ELMO2: variants seen among roughly 807,000 people sequenced by gnomAD.
ELMO2 encodes the protein engulfment and cell motility protein 2.
A neutral mutation model predicts 96.2 loss-of-function variants in ELMO2; 37 were observed. The ratio of observed to expected loss-of-function variants is 0.38; its 90% CI spans 0.30 to 0.51. ELMO2 has a LOEUF of 0.51. Ranked by LOEUF, ELMO2 falls within the 20% of genes least tolerant of loss-of-function variation. The probability of loss-of-function intolerance (pLI) is 0.88; values close to 1 mark genes in which losing one functional copy is unlikely to be tolerated. For synonymous variants in ELMO2, 315 were observed against 329.4 expected (o/e 0.96, Z 0.47); for missense variants, 561 against 912.6 (o/e 0.61, Z 4.96).
chr20:46,393,513 C>G lies in ELMO2; in HGVS notation c.192+16G>C. On this transcript the variant is annotated intron_variant, in intron 5 of 21. Transcript: ENST00000290246. ...CAAGCAAGGCCCATATTGATTTTGC[C>G]TCTCCCTGTACTAACCTGTTCGGTG... 1 of 1,612,826 alleles carries G rather than the reference C, an allele frequency of 6.2e-7. No homozygotes were observed. The highest frequency in any genetic ancestry group is 8.5e-7 in the Non-Finnish European group (1 of 1,179,636).
At chr20:46,389,688 A>C (rs1389506897) in intron 6 of ELMO2, among the ~76,000 whole-genome samples, 1 of 151,988 alleles carries the variant, frequency 6.6e-6, no homozygotes, top group African/African-American at 2.4e-5. Flanking sequence ...ACTCCCAAAA[A>C]ATTTTTTAAA....
intron 3 of ELMO2, 81 bp downstream of exon 3, chr20:46,394,324 C>A: frequency 6.8e-7 from 1 of 1,473,774 alleles, no homozygotes. Context: ...TGCCGGTGGT[C>A]CCCATCCCTC....
At chr20:46,402,221 T>C (rs921212691) in intron 1 of ELMO2, among the ~76,000 whole-genome samples, 2 of 152,160 alleles carry the variant, frequency 1.3e-5, no homozygotes, top group African/African-American at 4.8e-5. Flanking sequence ...CAAGGACTCA[T>C]GAAGCCTAAG....
chr20:46,400,130 C>A (rs1305046522), intron 1 of ELMO2, among the ~76,000 whole-genome samples: 2 of 151,998 alleles, frequency 1.3e-5, no homozygotes, highest in African/African-American at 2.4e-5. Flanking sequence ...AAAGTGAGAT[C>A]CTGTCTCTAT....
chr20:46,384,888 A>AGCCT (rs2060015023), intron 9 of ELMO2, among the ~76,000 whole-genome samples: 1 of 151,974 alleles, frequency 6.6e-6, no homozygotes. Flanking sequence ...GGATCGCTTG[A>AGCCT]GCCTGCAGTG....
At chr20:46,399,031 A>G (rs2060293786) in intron 1 of ELMO2, among the ~76,000 whole-genome samples, 1 of 152,190 alleles carries the variant, frequency 6.6e-6, no homozygotes, top group South Asian at 2.1e-4. Flanking sequence ...TCCCCACCTT[A>G]GAGATAAGAA....
At chr20:46,383,652 C>T (rs2059994519) in intron 9 of ELMO2, among the ~76,000 whole-genome samples, 158 bp from the exon 10 acceptor site, 2 of 152,160 alleles carry the variant, frequency 1.3e-5, no homozygotes, top group South Asian at 2.1e-4. Context: ...CTTGACCCAG[C>T]AATTTCACTA....
chr20:46,380,144 CCT>C lies in ELMO2; in HGVS notation c.807+107_807+108del, dbSNP rs1379107129. The C allele has an allele frequency of 2.8e-5, 26 of 926,602 alleles. No homozygotes were observed. The East Asian group carries it at 4.4e-4, about 16-fold the overall frequency. The allele number at this position is 926,602 out of a possible 1,614,324, so 57.4% of individuals were successfully genotyped here. A position where few individuals can be genotyped will look rare whatever the true frequency, so the allele number is the denominator to read the frequency against. On this transcript the variant is annotated intron_variant, in intron 11 of 21. Transcript: ENST00000290246. ...GAGGTATTTACCTATTGATAAGGTT[CCT>C]CTGTGTGTCCTCCTCACTCATTAAT...
intron 16 of ELMO2, among the ~76,000 whole-genome samples, chr20:46,372,362 C>G (rs1352371392): frequency 6.6e-6 from 1 of 152,178 alleles, no homozygotes; most frequent in Admixed American, 6.5e-5. Flanking sequence ...ATATGAGATA[C>G]CAGCCGGTTG....
chr20:46,381,176 T>G (rs937586318), intron 10 of ELMO2, among the ~76,000 whole-genome samples: 3 of 152,252 alleles, frequency 2.0e-5, no homozygotes, highest in African/African-American at 7.2e-5. Flanking sequence ...TACTGAGATG[T>G]GAAGCTATTT....
rs267605962 is a variant in ELMO2, at chr20:46,367,423, G to A, written c.2100C>T (p.Pro700=). The change falls in exon 22 of 22, where the codon CCC becomes CCT. Residue 700 remains proline (P), a synonymous_variant. Coordinates refer to ENST00000290246, the MANE Select transcript of ELMO2 (RefSeq NM_133171.5). ...CCTTGGGGATGGGGGGTGGGGCTTC[G>A]GGAATCTGGATGTTCTCCAGGTCCA... is the stretch of plus-strand genomic sequence containing the variant. The part of the protein sequence containing the change: ...RLLDLENIQI[P]EAPPPIPKEP... 113 of 1,612,244 alleles carry A rather than the reference G, an allele frequency of 7.0e-5. No individual in the cohort carries two copies. The highest frequency in any genetic ancestry group is 9.2e-5 in the Non-Finnish European group (109 of 1,179,332).
intron 9 of ELMO2, among the ~76,000 whole-genome samples, chr20:46,383,956 A>G (rs1274943626): frequency 6.6e-6 from 1 of 152,194 alleles, no homozygotes; most frequent in Non-Finnish European, 1.5e-5. Context: ...GTGAGAGTAT[A>G]TACTTGTTAC....
intron 5 of ELMO2, 97 bp downstream of exon 5, chr20:46,393,432 G>T: frequency 7.5e-7 from 1 of 1,324,644 alleles, no homozygotes; most frequent in Non-Finnish European, 1.1e-6. Context: ...ACACATGGAA[G>T]CTACCTGGAT....
chr20:46,381,615 A>G (rs1216604519), intron 10 of ELMO2, among the ~76,000 whole-genome samples: 2 of 152,132 alleles, frequency 1.3e-5, no homozygotes, highest in Non-Finnish European at 2.9e-5. Flanking sequence ...GCTGTGGACA[A>G]CTCATAAGGT....
rs545274531 is a variant in ELMO2, at chr20:46,386,709, C to A, written c.526-434G>T. 9.8e-5 allele frequency among the ~76,000 whole-genome samples: 15 copies of A among 152,286 alleles called. No homozygotes were observed. In the South Asian group the frequency reaches 3.1e-3, roughly 32 times the overall value. ...TACTCTAATCCTTCTTCTCAGTCCC[C>A]ATTATAATATCCTTGACACATGGTC... is the stretch of plus-strand genomic sequence containing the variant. On this transcript the variant is annotated intron_variant, in intron 8 of 21. Transcript: ENST00000290246.
At chr20:46,381,199 A>G (rs2059948957) in intron 10 of ELMO2, among the ~76,000 whole-genome samples, 1 of 152,176 alleles carries the variant, frequency 6.6e-6, no homozygotes, top group African/African-American at 2.4e-5. Flanking sequence ...CCATAAACAA[A>G]ATGGTCCCAG....
chr20:46,388,298 CAATATGTAAAACAAAT>C (rs1199490583), intron 7 of ELMO2, among the ~76,000 whole-genome samples: 1 of 152,190 alleles, frequency 6.6e-6, no homozygotes, highest in Non-Finnish European at 1.5e-5. Context: ...CTGGAAGATC[CAATATGTAAAACAAAT>C]ATCTATGATT....
intron 2 of ELMO2, among the ~76,000 whole-genome samples, chr20:46,395,290 A>G (rs1253475879): frequency 6.6e-6 from 1 of 152,220 alleles, no homozygotes; most frequent in African/African-American, 2.4e-5. Context: ...CAAGTCTGGA[A>G]GATGGGCCCA....
chr20:46,374,449 G>C lies in ELMO2; in HGVS notation c.1171-9C>G, dbSNP rs1375406166. ...CTGTTCTCCAAGACAATCTGTCGGG[G>C]GAAGAGAAAGGGAGGATTAGGGAGA... On this transcript the variant is annotated splice_polypyrimidine_tract_variant and intron_variant, in intron 14 of 21. Coordinates refer to ENST00000290246, the MANE Select transcript of ELMO2 (RefSeq NM_133171.5). The C allele has an allele frequency of 6.2e-7, 1 of 1,613,764 alleles. No individual in the cohort carries two copies. The highest frequency in any genetic ancestry group is 2.2e-5 in the East Asian group (1 of 44,874).
Sources: allele counts gnomAD v4.1 joint callset (sites outside exome capture counted in the v4.1 genomes callset), GRCh38; gene constraint gnomAD v4.1.1; transcripts MANE v1.5; gene names NCBI Gene and HGNC (gene_info 2026-07-23, HGNC 2026-07-21).